Variants in EPB41L4A observed in about 807,000 individuals in gnomAD.
The protein encoded by EPB41L4A is band 4.1-like protein 4A.
Under a neutral mutation model 108.6 loss-of-function variants are expected in EPB41L4A, and 100 were observed. That is an observed-to-expected ratio of 0.92 (90% CI 0.78 to 1.09). EPB41L4A has a LOEUF of 1.09. EPB41L4A is among the 50% of genes least tolerant of loss of function. The pLI, the probability that EPB41L4A is intolerant of heterozygous loss-of-function variation, is 0.00. For synonymous variants in EPB41L4A, 319 were observed against 289.0 expected (o/e 1.10, Z -1.05); for missense variants, 1,030 against 842.7 (o/e 1.22, Z -2.75).
chr5:112,195,618 A>T (rs757189347), intron 16 of EPB41L4A, 43 bp downstream of exon 16: 10 of 1,520,456 alleles, frequency 6.6e-6, no homozygotes, highest in Non-Finnish European at 9.1e-6. Flanking sequence ...AAATCTGCTA[A>T]CCCTTCTTCC....
chr5:112,297,178 T>C (rs1344773464), intron 2 of EPB41L4A, among the ~76,000 whole-genome samples: 2 of 152,234 alleles, frequency 1.3e-5, no homozygotes, highest in South Asian at 2.1e-4. Flanking sequence ...CTGGATCAAA[T>C]GGGAGTTATA....
At chr5:112,313,881 T>TTTTA (rs1755222083) in intron 1 of EPB41L4A, among the ~76,000 whole-genome samples, 2 of 142,622 alleles carry the variant, frequency 1.4e-5, no homozygotes. Flanking sequence ...TTTTTTTTTT[T>TTTTA]GAGATGGAGT....
chr5:112,194,653 C>T lies in EPB41L4A; in HGVS notation c.1425-8G>A, dbSNP rs537232101. On this transcript the variant is annotated splice_polypyrimidine_tract_variant and splice_region_variant and intron_variant, in intron 16 of 22. Coordinates refer to ENST00000261486, the MANE Select transcript of EPB41L4A (RefSeq NM_022140.5). ...TTACAGCGTGAACGTGACCTGAAGA[C>T]AAAAAGGTAAGAACAAAAGAAAAAA... 13 of 1,588,874 alleles carry T rather than the reference C, an allele frequency of 8.2e-6. No homozygotes were observed. In the African/African-American group the frequency reaches 1.4e-4, roughly 17 times the overall value.
chr5:112,222,056 G>A (rs1327653046), intron 12 of EPB41L4A, among the ~76,000 whole-genome samples: 1 of 152,152 alleles, frequency 6.6e-6, no homozygotes, highest in African/African-American at 2.4e-5. Context: ...AACAGTTACT[G>A]CCTTTCCCCC....
At chr5:112,318,547 G>A (rs149872985) in intron 1 of EPB41L4A, among the ~76,000 whole-genome samples, 1 of 152,246 alleles carries the variant, frequency 6.6e-6, no homozygotes, top group Non-Finnish European at 1.5e-5. Context: ...CACATTTTTG[G>A]CCCTCCAGAT....
At chr5:112,264,630 T>G (rs1402369654) in intron 6 of EPB41L4A, 1 of 247,106 alleles carries the variant, frequency 4.0e-6, no homozygotes, top group Non-Finnish European at 7.6e-6. Flanking sequence ...CTCTGGGAAA[T>G]TGTACATACA....
intron 13 of EPB41L4A, among the ~76,000 whole-genome samples, chr5:112,209,539 C>T (rs1762629806): frequency 6.6e-6 from 1 of 152,226 alleles, no homozygotes. Context: ...GTACATTAAA[C>T]ATGAATATCA....
In EPB41L4A at chr5:112,164,006, T is replaced by C. The variant is rs1760075987; in HGVS notation, c.*984A>G. The C allele has an allele frequency of 6.6e-6, 1 of 152,160 alleles. No homozygotes were observed. The highest frequency in any genetic ancestry group is 1.5e-5 in the Non-Finnish European group (1 of 68,050). The allele number at this position is 152,160 out of a possible 1,614,324, so 9.4% of individuals were successfully genotyped here. A position where few individuals can be genotyped will look rare whatever the true frequency, so the allele number is the denominator to read the frequency against. ...CCTGCATAAGTATTTTCCCTGTAGA[T>C]TGCAAAGTCATCTATGGAGAGGAAA... is the stretch of plus-strand genomic sequence containing the variant. On this transcript the variant is annotated 3_prime_UTR_variant, in exon 23 of 23. Coordinates refer to ENST00000261486, the MANE Select transcript of EPB41L4A (RefSeq NM_022140.5).
intron 1 of EPB41L4A, among the ~76,000 whole-genome samples, chr5:112,315,344 G>A (rs1243179488): frequency 1.3e-5 from 2 of 152,202 alleles, no homozygotes; most frequent in East Asian, 3.8e-4. Flanking sequence ...GAAAGCATGT[G>A]CTGAGTATCA....
intron 4 of EPB41L4A, among the ~76,000 whole-genome samples, chr5:112,271,231 A>G (rs1405524228): frequency 6.6e-6 from 1 of 152,176 alleles, no homozygotes; most frequent in Non-Finnish European, 1.5e-5. Flanking sequence ...CTACAATAAG[A>G]AGGATATGAT....
At chr5:112,143,586 A>G (rs1021339204) in exon 14 of EPB41L4A, 2 of 170,472 alleles carry the variant, frequency 1.2e-5, no homozygotes, top group South Asian at 1.3e-4. Flanking sequence ...TTTCTCCCCT[A>G]TCTTCCCTGT....
chr5:112,267,297 G>GA (rs140242283), intron 4 of EPB41L4A, among the ~76,000 whole-genome samples: 5 of 151,184 alleles, frequency 3.3e-5, no homozygotes, highest in South Asian at 2.1e-4. Context: ...GGGAAGGGAA[G>GA]AAAAAAAACA....
chr5:112,201,472 CA>C (rs1349017192), intron 15 of EPB41L4A, among the ~76,000 whole-genome samples: 1 of 152,146 alleles, frequency 6.6e-6, no homozygotes, highest in Non-Finnish European at 1.5e-5. Flanking sequence ...TGAAAATATG[CA>C]AATTTAGCCA....
chr5:112,169,606 T>C (rs547014769), intron 20 of EPB41L4A, among the ~76,000 whole-genome samples: 6 of 152,252 alleles, frequency 3.9e-5, no homozygotes, highest in African/African-American at 9.6e-5. Context: ...CATTTCACAA[T>C]GTATACATAT....
In EPB41L4A at chr5:112,146,783, C is replaced by T. The variant is rs184136382; in HGVS notation, n.995-785G>A. Among the ~76,000 whole-genome samples the T allele has an allele frequency of 2.3e-3, 344 of 152,254 alleles. 2 individuals are homozygous for T. The highest frequency in any genetic ancestry group is 7.9e-3 in the African/African-American group (327 of 41,538). ...TGCAGACTGAAGCACCAGCTTTATC[C>T]TCCTGGTTAGCTTAGAACATAGAGT... On this transcript the variant is annotated intron_variant and non_coding_transcript_variant, in intron 12 of 13. Coordinates refer to the EPB41L4A transcript ENST00000507810.
At chr5:112,418,517 C>CTAG (rs138459138) in intron 1 of EPB41L4A, among the ~76,000 whole-genome samples, 6,183 of 152,254 alleles carry the variant, frequency 0.041, 440 homozygotes, top group African/African-American at 0.14. Flanking sequence ...AACGAGTGAA[C>CTAG]TAGTTCACTT....
intron 12 of EPB41L4A, among the ~76,000 whole-genome samples, chr5:112,154,753 C>CA (rs1759593044): frequency 6.6e-6 from 1 of 152,076 alleles, no homozygotes; most frequent in Non-Finnish European, 1.5e-5. Flanking sequence ...GCTAAAGTGA[C>CA]ATAAATGCTG....
At chr5:112,280,785 G>T (rs1324674247) in intron 2 of EPB41L4A, among the ~76,000 whole-genome samples, 1 of 152,104 alleles carries the variant, frequency 6.6e-6, no homozygotes, top group Non-Finnish European at 1.5e-5. Flanking sequence ...TCTATTTTTG[G>T]TGGGAAAATA....
intron 2 of EPB41L4A, among the ~76,000 whole-genome samples, chr5:112,288,501 C>T (rs983889160): frequency 5.3e-5 from 8 of 152,082 alleles, no homozygotes; most frequent in African/African-American, 7.2e-5. Context: ...AACCAAGAGC[C>T]GAGAAGACAG....
Sources: allele counts gnomAD v4.1 joint callset (sites outside exome capture counted in the v4.1 genomes callset), GRCh38; gene constraint gnomAD v4.1.1; transcripts MANE v1.5; gene names NCBI Gene and HGNC (gene_info 2026-07-23, HGNC 2026-07-21).